Variants in DOCK9 observed in about 807,000 individuals in gnomAD.
DOCK9 encodes the protein dedicator of cytokinesis protein 9.
In DOCK9, 89 loss-of-function variants were observed where a neutral mutation model predicts 263.3. The ratio of observed to expected loss-of-function variants is 0.34; its 90% confidence interval spans 0.28 to 0.40. The LOEUF (loss-of-function observed/expected upper bound fraction) is 0.40, where lower values mean the gene tolerates loss of function less well. DOCK9 is among the 10% of genes least tolerant of loss of function. DOCK9 has a pLI of 1.00. For synonymous variants in DOCK9, 976 were observed against 973.1 expected, an observed-to-expected ratio of 1.00 and a Z score of -0.06; for missense variants, 2,140 against 2,603.4, an observed-to-expected ratio of 0.82 and a Z score of 3.87.
chr13:98,808,309 G>A (rs1331498971), intron 47 of DOCK9, among the ~76,000 whole-genome samples: 1 of 152,014 alleles, frequency 6.6e-6, no homozygotes, highest in Non-Finnish European at 1.5e-5. Flanking sequence ...TTACCGATGA[G>A]AAAAAAATAT....
chr13:98,842,301 C>A (rs1176217011), intron 38 of DOCK9, among the ~76,000 whole-genome samples: 1 of 152,216 alleles, frequency 6.6e-6, no homozygotes, highest in Non-Finnish European at 1.5e-5. Flanking sequence ...TCCACATGAA[C>A]TTCACAGGCA....
intron 1 of DOCK9, among the ~76,000 whole-genome samples, chr13:99,009,208 A>G (rs1390895276): frequency 3.9e-5 from 6 of 152,232 alleles, no homozygotes; most frequent in South Asian, 2.1e-4. Flanking sequence ...GCTCACACAC[A>G]TTGGCTGCAC....
intron 49 of DOCK9, among the ~76,000 whole-genome samples, chr13:98,803,138 G>A (rs369002721): frequency 5.9e-5 from 9 of 152,270 alleles, no homozygotes; most frequent in African/African-American, 1.9e-4. Context: ...AGCTGTGGAC[G>A]GCAATCCCCA....
chr13:98,809,041 TAC>T (rs1289635845), intron 47 of DOCK9: 1 of 1,492,040 alleles, frequency 6.7e-7, no homozygotes, highest in Admixed American at 2.7e-5. Flanking sequence ...CAGATAAACA[TAC>T]AGACTTGAAA....
intron 4 of DOCK9, among the ~76,000 whole-genome samples, chr13:98,925,567 A>G (rs1595374199): frequency 6.6e-6 from 1 of 152,160 alleles, no homozygotes; most frequent in East Asian, 1.9e-4. Flanking sequence ...TAGTGAAAAA[A>G]TTTCACCTAT....
At chr13:98,930,377 C>A in intron 2 of DOCK9, 120 bp from the exon 3 acceptor site, 1 of 782,314 alleles carries the variant, frequency 1.3e-6, no homozygotes, top group Non-Finnish European at 2.2e-6. Flanking sequence ...CCAGTTTCTC[C>A]CATCCAGTGC....
chr13:98,856,077 A>G, intron 33 of DOCK9, 46 bp from the exon 34 acceptor site: 1 of 1,600,218 alleles, frequency 6.2e-7, no homozygotes. Context: ...AAGACAGAAC[A>G]AAATAAAGAT....
intron 37 of DOCK9, among the ~76,000 whole-genome samples, chr13:98,848,126 G>A (rs2093444930): frequency 6.6e-6 from 1 of 152,238 alleles, no homozygotes; most frequent in African/African-American, 2.4e-5. Flanking sequence ...ATTTGGGATG[G>A]ACTGAAAACA....
intron 9 of DOCK9, among the ~76,000 whole-genome samples, chr13:98,909,923 C>A (rs1026104346): frequency 2.0e-5 from 3 of 152,134 alleles, no homozygotes; most frequent in African/African-American, 7.2e-5. Flanking sequence ...TTACCTGGAA[C>A]AATAAGTTCA....
chr13:99,064,076 T>C (rs2041313146), intron 1 of DOCK9, among the ~76,000 whole-genome samples: 1 of 152,246 alleles, frequency 6.6e-6, no homozygotes, highest in Admixed American at 6.5e-5. Flanking sequence ...TTCTCTCATC[T>C]TCTCTCTTCA....
At chr13:98,796,127 G>A in intron 52 of DOCK9, 1 of 1,081,720 alleles carries the variant, frequency 9.2e-7, no homozygotes, top group Non-Finnish European at 1.4e-6. Flanking sequence ...GCCAATGTCT[G>A]TAGTTGCTCA....
chr13:98,974,476 G>A (rs552003368), intron 1 of DOCK9, among the ~76,000 whole-genome samples: 9 of 152,120 alleles, frequency 5.9e-5, no homozygotes, highest in African/African-American at 1.4e-4. Flanking sequence ...TTAGCCGGTC[G>A]CAGTGGCTCA....
At chr13:98,967,872 T>C (rs1341063894) in intron 1 of DOCK9, among the ~76,000 whole-genome samples, 3 of 152,230 alleles carry the variant, frequency 2.0e-5, no homozygotes, top group Admixed American at 2.0e-4. Flanking sequence ...ATTAATGCCA[T>C]TAAGTAGTAT....
intron 48 of DOCK9, 62 bp from the exon 49 acceptor site, chr13:98,805,271 C>A: frequency 7.1e-7 from 1 of 1,401,846 alleles, no homozygotes; most frequent in Admixed American, 2.0e-5. Context: ...CAGTTCTTAC[C>A]TACGTGGTAT....
At position 99,019,926 on chromosome 13, in the gene DOCK9, C is replaced by T. The variant is rs1407818436; in HGVS notation, c.130-64375G>A. ...GACCAGCCTGGGCAACATGATGAAA[C>T]CCCAATCCTACTAAAAATACAAAAA... On this transcript the variant is annotated intron_variant, in intron 1 of 32. Coordinates refer to the DOCK9 transcript ENST00000427887. 3.9e-5 allele frequency among the ~76,000 whole-genome samples: 6 copies of T among 152,198 alleles called. No individual in the cohort carries two copies. The East Asian group carries it at 1.2e-3, about 29-fold the overall frequency.
chr13:98,972,722 G>A (rs1319296234), intron 1 of DOCK9, among the ~76,000 whole-genome samples: 2 of 152,194 alleles, frequency 1.3e-5, no homozygotes, highest in Non-Finnish European at 2.9e-5. Flanking sequence ...TCTGAAGCAC[G>A]TCCTTCCTGG....
intron 1 of DOCK9, chr13:98,959,403 C>G (rs1387771042): frequency 6.6e-6 from 1 of 152,174 alleles, no homozygotes; most frequent in Non-Finnish European, 1.5e-5. Flanking sequence ...CAAACCCTAC[C>G]TCAGGTCACT....
rs999733748 is a variant in DOCK9 at position 98,845,275 on chromosome 13, G to A, written c.4198+649C>T. The A allele has an allele frequency of 3.1e-6, 4 of 1,276,654 alleles. No individual in the cohort carries two copies. The African/African-American group carries it at 6.1e-5, about 19-fold the overall frequency. 79.1% of individuals were successfully genotyped at this position (1,276,654 alleles called of 1,614,324 possible). A position where few individuals can be genotyped will look rare whatever the true frequency, so the allele number is the denominator to read the frequency against. On this transcript the variant is annotated intron_variant, in intron 38 of 52. Coordinates refer to ENST00000682017, the MANE Select transcript of DOCK9 (RefSeq NM_001366683.2). The stretch of plus-strand genomic sequence containing the variant: ...AGGCAAGATGAACAAAAAGGGTCTT[G>A]GCTTGCAAGTGAAGCAACCTCATAA...
Position 98,794,117 on chromosome 13 carries a change from AC to A in DOCK9, c.*508del, listed in dbSNP as rs2089038781. ...GCACTAAATCTCCTGGTTCACTGGT[AC>A]AAAAATTACAATGGTCAGTTCCCTT... On this transcript the variant is annotated 3_prime_UTR_variant, in exon 53 of 53. Coordinates refer to ENST00000682017, the MANE Select transcript of DOCK9 (RefSeq NM_001366683.2). 4 of 153,008 alleles carry A rather than the reference AC, an allele frequency of 2.6e-5. No homozygotes were observed. In the South Asian group the frequency reaches 8.3e-4, roughly 32 times the overall value. The allele number at this position is 153,008 out of a possible 1,614,324, so 9.5% of individuals were successfully genotyped here. A position where few individuals can be genotyped will look rare whatever the true frequency, so the allele number is the denominator to read the frequency against.
Sources: gnomAD v4.1 joint callset for allele counts (sites outside exome capture counted in the v4.1 genomes callset) on GRCh38, gnomAD v4.1.1 for gene constraint, MANE v1.5 for transcripts, NCBI Gene and HGNC (gene_info 2026-07-23, HGNC 2026-07-21) for gene names.